Variants in GDA observed in about 807,000 individuals in gnomAD.
GDA encodes guanine deaminase, also known as cytoplasmic PSD-95 interactor.
In GDA, 18 loss-of-function variants were observed where a neutral mutation model predicts 59.6. The observed-to-expected ratio is 0.30, with a 90% CI of 0.21 to 0.45. The LOEUF is 0.45. Ranked by LOEUF, GDA falls within the 20% of genes least tolerant of loss-of-function variation. The pLI, the probability that GDA is intolerant of heterozygous loss-of-function variation, is 1.00. For missense variants in GDA, 427 were observed against 552.3 expected (o/e 0.77, Z 2.27); for synonymous variants, 201 against 201.1 (o/e 1.00, Z 0.00).
chr9:72,237,178 G>C (rs1051940137), intron 10 of GDA, among the ~76,000 whole-genome samples: 5 of 152,026 alleles, frequency 3.3e-5, no homozygotes, highest in African/African-American at 1.2e-4. Context: ...GATCCACACT[G>C]GCACCACTTT....
At chr9:72,216,697 ACGGAATCTTG>A (rs1836174214) in intron 5 of GDA, among the ~76,000 whole-genome samples, 1 of 150,008 alleles carries the variant, frequency 6.7e-6, no homozygotes, top group Non-Finnish European at 1.5e-5. Context: ...TTTTTTTGAG[ACGGAATCTTG>A]CTTTGTTGCC....
chr9:72,116,248 A>G (rs1825438001), intron 1 of GDA, among the ~76,000 whole-genome samples: 1 of 151,600 alleles, frequency 6.6e-6, no homozygotes, highest in African/African-American at 2.4e-5. Context: ...AAAAAAATTT[A>G]TGAAATATGT....
chr9:72,205,309 T>C (rs1834558666), intron 3 of GDA, among the ~76,000 whole-genome samples: 1 of 151,970 alleles, frequency 6.6e-6, no homozygotes, highest in Admixed American at 6.6e-5. Flanking sequence ...GAATAAACAG[T>C]AGTAGCTTTG....
chr9:72,234,404 T>C (rs1838725472), intron 10 of GDA, among the ~76,000 whole-genome samples: 1 of 152,234 alleles, frequency 6.6e-6, no homozygotes, highest in Non-Finnish European at 1.5e-5. Context: ...ATATGTATTA[T>C]GATATTTTAG....
chr9:72,198,860 T>TATATATATATATATATATATATATATATA (rs1476964247), intron 2 of GDA, among the ~76,000 whole-genome samples: 24 of 150,556 alleles, frequency 1.6e-4, no homozygotes, highest in Non-Finnish European at 2.7e-4. Flanking sequence ...TATATATATA[T>TATATATATATATATATATATATATATATA]AAAATTTTTT....
chr9:72,190,711 A>G (rs895522234), intron 1 of GDA, among the ~76,000 whole-genome samples: 5 of 152,124 alleles, frequency 3.3e-5, no homozygotes, highest in Non-Finnish European at 7.3e-5. Context: ...ACTTTTTACT[A>G]ATGCAATATA....
chr9:72,204,398 A>G (rs1172472504), intron 3 of GDA, among the ~76,000 whole-genome samples: 3 of 152,034 alleles, frequency 2.0e-5, no homozygotes, highest in African/African-American at 4.8e-5. Flanking sequence ...CAAGGCAAAG[A>G]AAAAAAAGGG....
chr9:72,158,136 T>C (rs1828150464), intron 1 of GDA, among the ~76,000 whole-genome samples: 1 of 152,214 alleles, frequency 6.6e-6, no homozygotes, highest in African/African-American at 2.4e-5. Context: ...AAATTGCCCC[T>C]TCCTCTGTTC....
Position 72,217,884 on chromosome 9 carries a change from G to T in GDA, c.579-1595G>T, listed in dbSNP as rs139423865. 3.4e-4 allele frequency among the ~76,000 whole-genome samples: 51 copies of T among 151,852 alleles called. No homozygotes were observed. In the East Asian group the frequency reaches 8.9e-3, roughly 26 times the overall value. On this transcript the variant is annotated intron_variant, in intron 5 of 13. Coordinates refer to ENST00000358399, the MANE Select transcript of GDA (RefSeq NM_004293.5). ...TACCTTAAGGATTTGACAAGAAATT[G>T]TATTGGTTTATTTATTTATTTTTAT... is the stretch of plus-strand genomic sequence containing the variant.
intron 1 of GDA, among the ~76,000 whole-genome samples, chr9:72,121,125 A>G (rs1825645249): frequency 6.6e-6 from 1 of 152,228 alleles, no homozygotes; most frequent in Non-Finnish European, 1.5e-5. Context: ...CGTACCAAAC[A>G]TGGTAGGTAC....
chr9:72,168,591 C>T (rs7847150), intron 1 of GDA, among the ~76,000 whole-genome samples: 28,143 of 151,654 alleles, frequency 0.19, 2,972 homozygotes, highest in African/African-American at 0.3. Context: ...GTTGGTTTTG[C>T]CATGTTGGCC....
intron 1 of GDA, among the ~76,000 whole-genome samples, chr9:72,143,259 A>C (rs910571709): frequency 4.0e-5 from 6 of 150,872 alleles, no homozygotes; most frequent in African/African-American, 1.5e-4. Flanking sequence ...CCTCCCGAGT[A>C]GCTGGGATTA....
intron 1 of GDA, among the ~76,000 whole-genome samples, chr9:72,137,781 C>T (rs1826294947): frequency 6.6e-6 from 1 of 152,022 alleles, no homozygotes. Flanking sequence ...ACCCCCCCAC[C>T]TTCAACTGTT....
intron 1 of GDA, among the ~76,000 whole-genome samples, chr9:72,150,460 A>G (rs535377213): frequency 7.2e-5 from 11 of 152,304 alleles, no homozygotes; most frequent in Non-Finnish European, 1.3e-4. Flanking sequence ...GGATTTCTAC[A>G]AATGACACAG....
chr9:72,150,181 A>G (rs1488472734), intron 1 of GDA, among the ~76,000 whole-genome samples: 1 of 152,210 alleles, frequency 6.6e-6, no homozygotes, highest in Non-Finnish European at 1.5e-5. Context: ...AGAACTGATT[A>G]CATTCACCCT....
At chr9:72,127,366 C>A (rs1228418357) in intron 1 of GDA, among the ~76,000 whole-genome samples, 4 of 151,946 alleles carry the variant, frequency 2.6e-5, no homozygotes, top group Non-Finnish European at 5.9e-5. Flanking sequence ...GGGCTGGGCG[C>A]GGTGGCTCAC....
At chr9:72,162,718 C>A (rs890095642) in intron 1 of GDA, among the ~76,000 whole-genome samples, 4 of 151,290 alleles carry the variant, frequency 2.6e-5, no homozygotes, top group African/African-American at 9.7e-5. Context: ...AGTGCGGTGG[C>A]GTGGTCTCGG....
chr9:72,128,717 C>T (rs1035259429), intron 1 of GDA, among the ~76,000 whole-genome samples: 3 of 152,220 alleles, frequency 2.0e-5, no homozygotes, highest in Admixed American at 1.3e-4. Flanking sequence ...GTGAGACAGG[C>T]TGGCAGCCAG....
At chr9:72,200,202 T>C (rs2131324133) in intron 2 of GDA, among the ~76,000 whole-genome samples, 1 of 152,170 alleles carries the variant, frequency 6.6e-6, no homozygotes, top group African/African-American at 2.4e-5. Context: ...TTCACCGTGT[T>C]AGCCAGGATG....
Sources: gnomAD v4.1 joint callset for allele counts (sites outside exome capture counted in the v4.1 genomes callset) on GRCh38, gnomAD v4.1.1 for gene constraint, MANE v1.5 for transcripts, NCBI Gene and HGNC (gene_info 2026-07-23, HGNC 2026-07-21) for gene names.